Variants in TNN observed in about 807,000 individuals in gnomAD.
TNN encodes tenascin N.
In TNN, 122 loss-of-function variants were observed where a neutral mutation model predicts 134.4. The ratio of observed to expected loss-of-function variants is 0.91; its 90% CI spans 0.78 to 1.06. The LOEUF (loss-of-function observed/expected upper bound fraction) is 1.06. Ranked by LOEUF, TNN falls within the 50% of genes least tolerant of loss-of-function variation. The pLI is 0.00. For missense variants in TNN, 1,739 were observed against 1,699.4 expected (o/e 1.02, Z -0.41); for synonymous variants, 710 against 670.3 (o/e 1.06, Z -0.91).
intron 1 of TNN, among the ~76,000 whole-genome samples, chr1:175,075,208 C>T (rs1038137568): frequency 2.0e-5 from 3 of 152,338 alleles, no homozygotes; most frequent in Admixed American, 2.0e-4. Context: ...TAAAATTAAA[C>T]ATTTTACATA....
At chr1:175,113,123 C>T (rs1195920502) in intron 9 of TNN, among the ~76,000 whole-genome samples, 1 of 152,014 alleles carries the variant, frequency 6.6e-6, no homozygotes, top group African/African-American at 2.4e-5. Flanking sequence ...TTTTCTTTCT[C>T]CTTTGTGTAT....
At chr1:175,075,156 C>G (rs1006065159) in intron 1 of TNN, among the ~76,000 whole-genome samples, 5 of 152,188 alleles carry the variant, frequency 3.3e-5, no homozygotes, top group African/African-American at 7.2e-5. Flanking sequence ...CTCTTCACCC[C>G]CTGTTTCCTC....
chr1:175,116,631 A>G (rs1301400979), intron 9 of TNN, among the ~76,000 whole-genome samples: 4 of 152,218 alleles, frequency 2.6e-5, no homozygotes, highest in Non-Finnish European at 5.9e-5. Context: ...CAGATGGCAG[A>G]GCTGGGATTA....
intron 12 of TNN, among the ~76,000 whole-genome samples, chr1:175,125,288 G>C (rs1675477707): frequency 6.6e-6 from 1 of 152,036 alleles, no homozygotes; most frequent in African/African-American, 2.4e-5. Context: ...GTCTTTTTGG[G>C]AAGTTATAAA....
intron 15 of TNN, among the ~76,000 whole-genome samples, 198 bp from the exon 16 acceptor site, chr1:175,135,647 C>T (rs1675781222): frequency 6.6e-6 from 1 of 152,162 alleles, no homozygotes; most frequent in Non-Finnish European, 1.5e-5. Context: ...TGTCTTAGTA[C>T]CTGGCATACT....
intron 6 of TNN, among the ~76,000 whole-genome samples, chr1:175,092,186 G>C (rs1574148001): frequency 6.6e-6 from 1 of 152,182 alleles, no homozygotes; most frequent in South Asian, 2.1e-4. Context: ...GATGGCTCTT[G>C]TCATCTCTTC....
intron 9 of TNN, among the ~76,000 whole-genome samples, chr1:175,113,362 C>T (rs1479002457): frequency 2.6e-5 from 4 of 152,176 alleles, no homozygotes; most frequent in African/African-American, 9.7e-5. Flanking sequence ...CCACCCCTTT[C>T]AGATCTTGGG....
intron 1 of TNN, among the ~76,000 whole-genome samples, chr1:175,076,582 G>A (rs1240204248): frequency 6.6e-6 from 1 of 152,208 alleles, no homozygotes; most frequent in African/African-American, 2.4e-5. Flanking sequence ...ACTTTGTGGA[G>A]CAGGTAATTT....
At chr1:175,090,682 A>G (rs1674424635) in intron 6 of TNN, among the ~76,000 whole-genome samples, 1 of 152,266 alleles carries the variant, frequency 6.6e-6, no homozygotes, top group South Asian at 2.1e-4. Context: ...ATAAAGTGGA[A>G]TAAGCTTTCC....
chr1:175,118,714 A>G lies in TNN; in HGVS notation c.2540A>G (p.Gln847Arg), dbSNP rs2101836337. The G allele has an allele frequency of 1.2e-6, 2 of 1,614,268 alleles. No homozygotes were observed. The highest frequency in any genetic ancestry group is 4.5e-5 in the East Asian group (2 of 44,886). Residue 847 changes from glutamine (Q) to arginine (R), a missense_variant, in exon 11 of 19, where the codon CAG becomes CGG. Gln to Arg is a conservative substitution (Grantham distance 43). Coordinates refer to ENST00000239462, the MANE Select transcript of TNN (RefSeq NM_022093.2). ...ETREVPVGKE[Q>R]SSTVLTGLRP... Reference sequence around the variant, plus strand: ...AGGGAGGTTCCAGTGGGGAAGGAGCAGAGCAGCACTGTCCTGACGGGCCTG... The same window carrying G: ...AGGGAGGTTCCAGTGGGGAAGGAGCGGAGCAGCACTGTCCTGACGGGCCTG...
intron 4 of TNN, among the ~76,000 whole-genome samples, chr1:175,082,761 G>C (rs948745437): frequency 6.6e-6 from 1 of 152,178 alleles, no homozygotes; most frequent in South Asian, 2.1e-4. Flanking sequence ...CCTCCAGGGA[G>C]GTGAAGGTGG....
At chr1:175,084,710 G>T (rs749189246) in intron 5 of TNN, among the ~76,000 whole-genome samples, 1 of 152,220 alleles carries the variant, frequency 6.6e-6, no homozygotes, top group African/African-American at 2.4e-5. Flanking sequence ...AGTGTTTGTG[G>T]AGTGCAGAAT....
chr1:175,125,428 T>C (rs1166773884), intron 12 of TNN, among the ~76,000 whole-genome samples: 2 of 152,126 alleles, frequency 1.3e-5, no homozygotes, highest in Non-Finnish European at 2.9e-5. Flanking sequence ...TCTGTTTTCC[T>C]GGTCTACAGT....
intron 9 of TNN, among the ~76,000 whole-genome samples, chr1:175,102,177 C>T (rs112012008): frequency 2.4e-4 from 34 of 144,170 alleles, no homozygotes; most frequent in East Asian, 4.7e-4. Flanking sequence ...GTTTACAATC[C>T]CTGAGCTAGA....
In TNN at chr1:175,102,219, A is replaced by T. The variant is rs1453067434; in HGVS notation, c.2119+3624A>T. ...GACTCTCCACGTCCCCACCAGACTC[A>T]GGAGCCCAGCTGGCTTCACCCAGTG... On this transcript the variant is annotated intron_variant, in intron 9 of 18. Transcript: ENST00000239462. Among the ~76,000 whole-genome samples the T allele has an allele frequency of 2.0e-5, 3 of 146,350 alleles. 1 individual carries two copies. The highest frequency in any genetic ancestry group is 2.0e-4 in the Admixed American group (3 of 14,650).
chr1:175,144,409 T>C lies in TNN; in HGVS notation c.3618T>C (p.Asn1206=). 6.2e-7 allele frequency: 1 copy of C among 1,614,060 alleles called. No homozygotes were observed. Among genetic ancestry groups the C allele is most frequent in the Admixed American group, 1.7e-5 (1 of 60,014 alleles). ...GTAGDALTYH[N]GWKFTTFDRD... ...CAGGGGATGCTCTTACTTACCACAATGGATGGAAGTTTACAACTTTTGACA... is the reference window on the plus strand; with the variant it reads ...CAGGGGATGCTCTTACTTACCACAACGGATGGAAGTTTACAACTTTTGACA... Residue 1206 remains asparagine, a synonymous_variant, in exon 18 of 19, where the codon AAT becomes AAC. Transcript: ENST00000239462.
intron 9 of TNN, among the ~76,000 whole-genome samples, chr1:175,109,376 C>G (rs1424401641): frequency 2.6e-5 from 4 of 151,768 alleles, no homozygotes. Flanking sequence ...GCGTGAGCCA[C>G]CGGGCCCGGC....
intron 6 of TNN, 24 bp downstream of exon 6, chr1:175,085,518 T>C (rs753330573): frequency 1.3e-6 from 2 of 1,486,938 alleles, no homozygotes; most frequent in Non-Finnish European, 1.9e-6. Flanking sequence ...GGAGGCACTA[T>C]GGGCATTTAA....
chr1:175,126,064 T>C (rs1675521344), intron 12 of TNN, among the ~76,000 whole-genome samples: 1 of 149,500 alleles, frequency 6.7e-6, no homozygotes, highest in Non-Finnish European at 1.5e-5. Flanking sequence ...CACACTTCAA[T>C]ATGTAACAGT....
Sources: allele counts gnomAD v4.1 joint callset (sites outside exome capture counted in the v4.1 genomes callset), GRCh38; gene constraint gnomAD v4.1.1; transcripts MANE v1.5; gene names NCBI Gene and HGNC (gene_info 2026-07-23, HGNC 2026-07-21).